ONECUT3: variants seen among roughly 807,000 people sequenced by gnomAD.
ONECUT3 encodes the protein one cut homeobox 3.
A neutral mutation model predicts 16.8 loss-of-function variants in ONECUT3; 11 were observed. The ratio of observed to expected loss-of-function variants is 0.66; its 90% CI spans 0.41 to 1.09. The LOEUF (loss-of-function observed/expected upper bound fraction) is 1.09, where lower values mean the gene tolerates loss of function less well. Ranked by LOEUF, ONECUT3 falls within the 50% of genes least tolerant of loss-of-function variation. The pLI is 0.00. For missense variants in ONECUT3, 637 were observed against 629.9 expected (o/e 1.01, Z -0.12); for synonymous variants, 344 against 310.7 (o/e 1.11, Z -1.13).
In ONECUT3 at chr19:1,775,723, A is replaced by C. The variant is rs1219130342; in HGVS notation, c.*278A>C. The C allele has an allele frequency of 6.1e-6, 2 of 330,078 alleles. No individual in the cohort carries two copies. The highest frequency in any genetic ancestry group is 4.5e-5 in the African/African-American group (2 of 44,738). 20.4% of individuals were successfully genotyped at this position (330,078 alleles called of 1,614,324 possible). A position where few individuals can be genotyped will look rare whatever the true frequency, so the allele number is the denominator to read the frequency against. The stretch of plus-strand genomic sequence containing the variant: ...AGGGAGTGACAGAAAGGGGTTTCCC[A>C]GCCCCCTCTCCATTCAGGACGCCCA... On this transcript the variant is annotated 3_prime_UTR_variant, in exon 2 of 2. Transcript: ENST00000382349.
rs1173561341 is a variant in ONECUT3 at position 1,777,449 on chromosome 19, CAG to C, written c.*2008_*2009del. The C allele has an allele frequency of 2.4e-5, 2 of 83,998 alleles. No homozygotes were observed. Among genetic ancestry groups the C allele is most frequent in the East Asian group, 5.8e-4 (1 of 1,724 alleles). The allele number at this position is 83,998 out of a possible 1,614,324, so 5.2% of individuals were successfully genotyped here. On this transcript the variant is annotated 3_prime_UTR_variant, in exon 2 of 2. Transcript: ENST00000382349. Reference sequence around the variant, plus strand: ...GCATGCAGGCACACGCAGACGCACACAGAGACACACATGCAGATACACATGCA... The same window carrying C: ...GCATGCAGGCACACGCAGACGCACACAGACACACATGCAGATACACATGCA...
At chr19:1,756,695 A>ATTTTTTTTTTTTTTTTTTTTTTTT (rs58105449) in intron 1 of ONECUT3, among the ~76,000 whole-genome samples, 7 of 101,152 alleles carry the variant, frequency 6.9e-5, no homozygotes, top group Admixed American at 1.2e-4. Flanking sequence ...ACGCCTGGCT[A>ATTTTTTTTTTTTTTTTTTTTTTTT]TTTTTTTTTT....
At position 1,776,750 on chromosome 19, in the gene ONECUT3, TC is replaced by T; in HGVS notation, c.*1308del. 6.7e-6 allele frequency: 1 copy of T among 148,708 alleles called. No homozygotes were observed. The highest frequency in any genetic ancestry group is 2.5e-5 in the African/African-American group (1 of 39,872). 9.2% of individuals were successfully genotyped at this position (148,708 alleles called of 1,614,324 possible). A position where few individuals can be genotyped will look rare whatever the true frequency, so the allele number is the denominator to read the frequency against. ...AGATCCGAGTCTAGAAGGAACCTCC[TC>T]CCTGAAATCCCCCCACTCATCGGCT... On this transcript the variant is annotated 3_prime_UTR_variant, in exon 2 of 2. Coordinates refer to ENST00000382349, the MANE Select transcript of ONECUT3 (RefSeq NM_001080488.2). This position sits in a 1 kb window ranked among gnomAD's most constrained non-coding sequence, Gnocchi z 4.9.
At chr19:1,769,246 G>C (rs1286718009) in intron 1 of ONECUT3, among the ~76,000 whole-genome samples, 1 of 151,882 alleles carries the variant, frequency 6.6e-6, no homozygotes, top group Non-Finnish European at 1.5e-5. Flanking sequence ...AGGTGCTGGA[G>C]GTGGTGGAGG....
At position 1,780,839 on chromosome 19, in the gene ONECUT3, T is replaced by C. The variant is rs932889179; in HGVS notation, c.*5394T>C. On this transcript the variant is annotated 3_prime_UTR_variant, in exon 2 of 2. Coordinates refer to ENST00000382349, the MANE Select transcript of ONECUT3 (RefSeq NM_001080488.2). Reference sequence around the variant, plus strand: ...AGCCAGGAGGCCCTGCGGCCTTGAGTGTTTTGAATAGACTGGAACTGAGGG... The same window carrying C: ...AGCCAGGAGGCCCTGCGGCCTTGAGCGTTTTGAATAGACTGGAACTGAGGG... The C allele has an allele frequency of 6.6e-6, 1 of 151,796 alleles. No individual in the cohort carries two copies. The highest frequency in any genetic ancestry group is 2.4e-5 in the African/African-American group (1 of 41,254). The allele number at this position is 151,796 out of a possible 1,614,324, so 9.4% of individuals were successfully genotyped here.
chr19:1,760,664 G>C (rs1464407352), intron 1 of ONECUT3, among the ~76,000 whole-genome samples: 1 of 151,874 alleles, frequency 6.6e-6, no homozygotes, highest in Non-Finnish European at 1.5e-5. Flanking sequence ...GCGGTGGGGG[G>C]GGGCCAGGTC....
At chr19:1,772,851 G>A (rs537933810) in intron 1 of ONECUT3, among the ~76,000 whole-genome samples, 37 of 141,466 alleles carry the variant, frequency 2.6e-4, no homozygotes, top group Non-Finnish European at 3.8e-4. Context: ...GCACCACCAC[G>A]TCCAGCTAAT....
rs533260588 is a variant in ONECUT3, at chr19:1,762,263, C to A, written c.1192+7409C>A. On this transcript the variant is annotated intron_variant, in intron 1 of 1. Transcript: ENST00000382349. This position sits in a 1 kb window ranked among gnomAD's most constrained non-coding sequence, Gnocchi z 4.4. ...GCCCGCCAGCCCTCCAACCCTCCTG[C>A]CCTCCTGCCCTCCTGCCCTCCTCTC... Among the ~76,000 whole-genome samples, 96 of 151,984 alleles carry A rather than the reference C, an allele frequency of 6.3e-4. No individual in the cohort carries two copies. Among genetic ancestry groups the A allele is most frequent in the African/African-American group, 2.2e-3 (92 of 41,296 alleles).
chr19:1,754,762 G>C lies in ONECUT3; in HGVS notation c.1100G>C (p.Ser367Thr). 6.4e-7 allele frequency: 1 copy of C among 1,573,150 alleles called. No homozygotes were observed. The change falls in exon 1 of 2, where the codon AGC becomes ACC. Residue 367 changes from serine to threonine, a missense_variant. Ser to Thr is a moderately conservative substitution (Grantham distance 58). Around this residue, in one of 3 missense-constraint regions of ONECUT3, gnomAD observed 183 missense variants for 188.3 expected, o/e 0.97. Transcript: ENST00000382349. The surrounding 1 kb of genome is among the most constrained non-coding windows in gnomAD (Gnocchi z 7.4). ...CTGCTGCGCAACCCCAAGCCGTGGA[G>C]CAAGCTCAAATCCGGCCGCGAGACC... The part of the protein sequence containing the change: ...SDLLRNPKPW[S>T]KLKSGRETFR...
intron 1 of ONECUT3, among the ~76,000 whole-genome samples, chr19:1,772,819 G>A (rs1600359245): frequency 3.4e-5 from 5 of 145,000 alleles, no homozygotes; most frequent in Admixed American, 2.1e-4. Context: ...TCAGCCTCCC[G>A]AGTAGCTGGG....
At chr19:1,772,976 T>G (rs1471826659) in intron 1 of ONECUT3, among the ~76,000 whole-genome samples, 1 of 151,744 alleles carries the variant, frequency 6.6e-6, no homozygotes, top group African/African-American at 2.4e-5. Context: ...GTGCTGGGAT[T>G]ACAGGCGTGA....
chr19:1,766,044 C>T lies in ONECUT3; in HGVS notation c.1193-9109C>T, dbSNP rs1438101490. 2.6e-5 allele frequency among the ~76,000 whole-genome samples: 4 copies of T among 152,270 alleles called. No homozygotes were observed. The highest frequency in any genetic ancestry group is 4.4e-5 in the Non-Finnish European group (3 of 68,046). On this transcript the variant is annotated intron_variant, in intron 1 of 1. Coordinates refer to ENST00000382349, the MANE Select transcript of ONECUT3 (RefSeq NM_001080488.2). The surrounding 1 kb of genome is among the most constrained non-coding windows in gnomAD (Gnocchi z 4.0). ...CATCCACCGCCCGTCCAAGGCCCCA[C>T]AAGCTGATGCCGGTTTTCCCGCCCA...
chr19:1,766,738 C>G lies in ONECUT3; in HGVS notation c.1193-8415C>G, dbSNP rs12978813. Among the ~76,000 whole-genome samples the G allele has an allele frequency of 6.6e-5, 10 of 151,792 alleles. No homozygotes were observed. In the South Asian group the frequency reaches 1.9e-3, roughly 28 times the overall value. On this transcript the variant is annotated intron_variant, in intron 1 of 1. Coordinates refer to ENST00000382349, the MANE Select transcript of ONECUT3 (RefSeq NM_001080488.2). This position sits in a 1 kb window ranked among gnomAD's most constrained non-coding sequence, Gnocchi z 4.0. ...TGCTGAGGGCACTCGGGGAGCCCCA[C>G]TGTCCCACCCGGCGCTCCAGGGCAG...
rs1397431743 is a variant in ONECUT3 at position 1,755,183 on chromosome 19, T to TTG, written c.1192+338_1192+339dup. 6.6e-6 allele frequency among the ~76,000 whole-genome samples: 1 copy of TTG among 151,832 alleles called. No individual in the cohort carries two copies. ...CCCAAGCAGCCCTCAGGGAAGCTCA[T>TTG]TGTGTGTGTGCGTGTGTGTGTGTGA... On this transcript the variant is annotated intron_variant, in intron 1 of 1. Transcript: ENST00000382349. This position sits in a 1 kb window ranked among gnomAD's most constrained non-coding sequence, Gnocchi z 7.5.
Position 1,780,311 on chromosome 19 carries a change from C to T in ONECUT3, c.*4866C>T, listed in dbSNP as rs1189990009. ...CCTCCCAGCCCACTTTCGGAGCCTA[C>T]AGAACAGAGGACTCCCCAAAATCAT... On this transcript the variant is annotated 3_prime_UTR_variant, in exon 2 of 2. Coordinates refer to ENST00000382349, the MANE Select transcript of ONECUT3 (RefSeq NM_001080488.2). 1 of 152,048 alleles carries T rather than the reference C, an allele frequency of 6.6e-6. No homozygotes were observed. Among genetic ancestry groups the T allele is most frequent in the Non-Finnish European group, 1.5e-5 (1 of 68,034 alleles). 9.4% of individuals were successfully genotyped at this position (152,048 alleles called of 1,614,324 possible).
chr19:1,780,332 A>G lies in ONECUT3; in HGVS notation c.*4887A>G, dbSNP rs189959718. 1.3e-5 allele frequency: 2 copies of G among 152,354 alleles called. No homozygotes were observed. Among genetic ancestry groups the G allele is most frequent in the Admixed American group, 1.3e-4 (2 of 15,300 alleles). The allele number at this position is 152,354 out of a possible 1,614,324, so 9.4% of individuals were successfully genotyped here. On this transcript the variant is annotated 3_prime_UTR_variant, in exon 2 of 2. Coordinates refer to ENST00000382349, the MANE Select transcript of ONECUT3 (RefSeq NM_001080488.2). The stretch of plus-strand genomic sequence containing the variant: ...CCTACAGAACAGAGGACTCCCCAAA[A>G]TCATCAAAGGGGGCTCTGGGACAAT...
In ONECUT3 at chr19:1,766,815, C is replaced by G. The variant is rs368855031; in HGVS notation, c.1193-8338C>G. Among the ~76,000 whole-genome samples, 12 of 152,116 alleles carry G rather than the reference C, an allele frequency of 7.9e-5. No homozygotes were observed. The East Asian group carries it at 1.5e-3, about 20-fold the overall frequency. ...CTTGCAGGCTGGGCTGAGACCCCCC[C>G]CCCATGCTCCACCACCCTCGTGTAG... is the stretch of plus-strand genomic sequence containing the variant. On this transcript the variant is annotated intron_variant, in intron 1 of 1. Transcript: ENST00000382349. This position sits in a 1 kb window ranked among gnomAD's most constrained non-coding sequence, Gnocchi z 4.0.
In ONECUT3 at chr19:1,779,001, C is replaced by T. The variant is rs1343944655; in HGVS notation, c.*3556C>T. 1 of 152,276 alleles carries T rather than the reference C, an allele frequency of 6.6e-6. No individual in the cohort carries two copies. The highest frequency in any genetic ancestry group is 2.4e-5 in the African/African-American group (1 of 41,406). 9.4% of individuals were successfully genotyped at this position (152,276 alleles called of 1,614,324 possible). Reference sequence around the variant, plus strand: ...GACCTGCCCGCCGGCCCCTCAGGCCCTCTCCTGCCTCCCCGCATGCCCACT... The same window carrying T: ...GACCTGCCCGCCGGCCCCTCAGGCCTTCTCCTGCCTCCCCGCATGCCCACT... On this transcript the variant is annotated 3_prime_UTR_variant, in exon 2 of 2. Coordinates refer to ENST00000382349, the MANE Select transcript of ONECUT3 (RefSeq NM_001080488.2).
At chr19:1,774,318 C>T (rs1039011108) in intron 1 of ONECUT3, among the ~76,000 whole-genome samples, 1 of 152,006 alleles carries the variant, frequency 6.6e-6, no homozygotes, top group African/African-American at 2.4e-5. Flanking sequence ...CCATGGCACA[C>T]ACCTGTAATC....
Sources: allele counts gnomAD v4.1 joint callset (sites outside exome capture counted in the v4.1 genomes callset), GRCh38; gene constraint gnomAD v4.1.1; regional missense constraint gnomAD v4.1.1; non-coding constraint Gnocchi (gnomAD v3.1); transcripts MANE v1.5; gene names NCBI Gene and HGNC (gene_info 2026-07-23, HGNC 2026-07-21).